The following ROS1 variants were observed in gnomAD, a reference collection of about 807,000 sequenced individuals.
The protein encoded by ROS1 is proto-oncogene tyrosine-protein kinase ROS.
A neutral mutation model predicts 273.5 loss-of-function variants in ROS1; 263 were observed. That is an observed-to-expected ratio of 0.96 (90% confidence interval 0.87 to 1.06). ROS1 has a LOEUF of 1.06. Among genes scored for constraint, ROS1 ranks in the 50% least tolerant of loss-of-function variants. The probability of loss-of-function intolerance (pLI) is 0.00; values close to 1 mark genes in which losing one functional copy is unlikely to be tolerated. For synonymous variants in ROS1, 1,008 were observed against 954.1 expected (o/e 1.06, Z -1.04); for missense variants, 2,833 against 2,751.1 (o/e 1.03, Z -0.67).
intron 39 of ROS1, among the ~76,000 whole-genome samples, chr6:117,316,874 G>A (rs928336817): frequency 1.3e-5 from 2 of 151,996 alleles, no homozygotes; most frequent in Admixed American, 6.6e-5. Context: ...CGCTATCCCT[G>A]TGCTCCAGAA....
At chr6:117,328,706 A>G (rs1359107483) in intron 33 of ROS1, 1 of 610,734 alleles carries the variant, frequency 1.6e-6, no homozygotes, top group Non-Finnish European at 3.3e-6. Context: ...TCAAGTTGGC[A>G]TGAAATCAGT....
At chr6:117,388,056 T>C in intron 13 of ROS1, 64 bp from the exon 14 acceptor site, 1 of 1,604,990 alleles carries the variant, frequency 6.2e-7, no homozygotes, top group Non-Finnish European at 8.5e-7. Flanking sequence ...AACCAAGGAT[T>C]CTCCATAAAT....
chr6:117,327,170 T>C (rs1220230318), intron 33 of ROS1, among the ~76,000 whole-genome samples: 2 of 152,168 alleles, frequency 1.3e-5, no homozygotes, highest in Non-Finnish European at 2.9e-5. Context: ...GAGAATCTGG[T>C]TCTATTCCTG....
In ROS1 at chr6:117,360,884, A is replaced by G. The variant is rs186118369; in HGVS notation, c.3367-479T>C. 1.1e-3 allele frequency among the ~76,000 whole-genome samples: 170 copies of G among 152,284 alleles called. 1 individual carries two copies. The highest frequency in any genetic ancestry group is 3.9e-3 in the African/African-American group (164 of 41,570). On this transcript the variant is annotated intron_variant, in intron 22 of 43. Transcript: ENST00000368507. ...AATAAAACTGTACAAATTATGATAA[A>G]CTTCCATTTTTCTTGAATTCAACAA...
intron 43 of ROS1, among the ~76,000 whole-genome samples, chr6:117,294,854 A>C (rs1459200810): frequency 6.6e-6 from 1 of 152,200 alleles, no homozygotes; most frequent in African/African-American, 2.4e-5. Context: ...AAGGATTGGA[A>C]GAATCAATAT....
intron 1 of ROS1, among the ~76,000 whole-genome samples, chr6:117,424,712 G>A (rs1172857384): frequency 6.6e-6 from 1 of 152,054 alleles, no homozygotes; most frequent in Non-Finnish European, 1.5e-5. Flanking sequence ...ATAAGTGCAA[G>A]TTTCTTTTTA....
At chr6:117,303,809 G>A (rs1380628897) in intron 42 of ROS1, among the ~76,000 whole-genome samples, 3 of 152,188 alleles carry the variant, frequency 2.0e-5, no homozygotes, top group Non-Finnish European at 4.4e-5. Context: ...GTGGACTGAG[G>A]TAATGCCTGT....
intron 7 of ROS1, among the ~76,000 whole-genome samples, chr6:117,398,745 C>T (rs866501603): frequency 4.7e-5 from 7 of 150,498 alleles, no homozygotes; most frequent in Middle Eastern, 6.9e-3. Flanking sequence ...GAGGCCGAGG[C>T]GGGCGGATCA....
intron 42 of ROS1, among the ~76,000 whole-genome samples, chr6:117,302,715 G>T (rs1464176588): frequency 6.6e-6 from 1 of 152,192 alleles, no homozygotes; most frequent in African/African-American, 2.4e-5. Flanking sequence ...AACAAAGGAA[G>T]TTTGGAAGCA....
At chr6:117,294,852 GA>G (rs1413127991) in intron 43 of ROS1, among the ~76,000 whole-genome samples, 1 of 152,078 alleles carries the variant, frequency 6.6e-6, no homozygotes, top group Non-Finnish European at 1.5e-5. Context: ...TCAAGGATTG[GA>G]AGAATCAATA....
At chr6:117,350,297 A>G (rs947187284) in intron 27 of ROS1, among the ~76,000 whole-genome samples, 1 of 152,008 alleles carries the variant, frequency 6.6e-6, no homozygotes, top group Admixed American at 6.6e-5. Context: ...AACATTTTAA[A>G]TATTTTACTT....
intron 43 of ROS1, among the ~76,000 whole-genome samples, chr6:117,292,205 T>C (rs1655945131): frequency 6.6e-6 from 1 of 152,016 alleles, no homozygotes. Flanking sequence ...CTTCTGACCT[T>C]GTGATCTGCC....
At chr6:117,376,871 TA>T (rs938080307) in intron 18 of ROS1, among the ~76,000 whole-genome samples, 2 of 152,316 alleles carry the variant, frequency 1.3e-5, no homozygotes, top group Middle Eastern at 3.4e-3. Flanking sequence ...CAGCAGGATT[TA>T]TTCTAGAAAT....
intron 4 of ROS1, among the ~76,000 whole-genome samples, chr6:117,414,025 G>C (rs199650685): frequency 6.6e-6 from 1 of 151,284 alleles, no homozygotes; most frequent in Non-Finnish European, 1.5e-5. Context: ...AGAAAGAGAG[G>C]AAGAAAGCAA....
intron 41 of ROS1, 128 bp downstream of exon 41, chr6:117,309,953 G>T: frequency 1.2e-6 from 1 of 842,830 alleles, no homozygotes; most frequent in Non-Finnish European, 1.9e-6. Context: ...TTTAGCTTGA[G>T]GCAAATCACT....
At chr6:117,368,795 A>T (rs1780484277) in intron 18 of ROS1, among the ~76,000 whole-genome samples, 2 of 144,156 alleles carry the variant, frequency 1.4e-5, no homozygotes, top group South Asian at 4.2e-4. Context: ...ATTTTCTATG[A>T]AAACTTAGTT....
At position 117,344,803 on chromosome 6, in the gene ROS1, C is replaced by A. The variant is rs182649327; in HGVS notation, c.4304-541G>T. The stretch of plus-strand genomic sequence containing the variant: ...TGGCATTGTGGAGCTCCCTGGCCAC[C>A]GCTTACAACCAAACACCTTGCACGC... On this transcript the variant is annotated intron_variant, in intron 27 of 43. Coordinates refer to ENST00000368507, the MANE Select transcript of ROS1 (RefSeq NM_001378902.1). Among the ~76,000 whole-genome samples the A allele has an allele frequency of 6.6e-3, 1,010 of 152,210 alleles. 1 individual carries two copies. Among genetic ancestry groups the A allele is most frequent in the Non-Finnish European group, 9.9e-3 (670 of 68,000 alleles).
chr6:117,381,348 T>C (rs9374654), intron 17 of ROS1, among the ~76,000 whole-genome samples: 9,801 of 152,024 alleles, frequency 0.064, 380 homozygotes, highest in Middle Eastern at 0.099. Flanking sequence ...AGTGTAAAAA[T>C]GTACCCAATA....
At position 117,397,100 on chromosome 6, in the gene ROS1, A is replaced by T; in HGVS notation, c.621T>A (p.Pro207=). ...THPHGVPETA[P]LIRNIESSSP... is the part of the protein sequence containing the mutation. Reference sequence around the variant, plus strand: ...TTGAGCTCTCAATATTCCTAATCAAAGGTGCAGTTTCAGGAACTGGAAGAG... The same window carrying T: ...TTGAGCTCTCAATATTCCTAATCAATGGTGCAGTTTCAGGAACTGGAAGAG... Residue 207 remains proline (P), a synonymous_variant, in exon 8 of 44, where the codon CCT becomes CCA. Transcript: ENST00000368507. 6.2e-7 allele frequency: 1 copy of T among 1,612,666 alleles called. No individual in the cohort carries two copies. Among genetic ancestry groups the T allele is most frequent in the Non-Finnish European group, 8.5e-7 (1 of 1,178,736 alleles).
Sources: allele counts gnomAD v4.1 joint callset (sites outside exome capture counted in the v4.1 genomes callset), GRCh38; gene constraint gnomAD v4.1.1; transcripts MANE v1.5; gene names NCBI Gene and HGNC (gene_info 2026-07-23, HGNC 2026-07-21).